Variants in KCNN1 observed in about 807,000 individuals in gnomAD.
The protein encoded by KCNN1 is small conductance calcium-activated potassium channel protein 1.
A neutral mutation model predicts 44.7 loss-of-function variants in KCNN1; 20 were observed. The observed-to-expected ratio is 0.45, with a 90% CI of 0.32 to 0.65. The LOEUF is 0.65. Among genes scored for constraint, KCNN1 ranks in the 30% least tolerant of loss-of-function variants. KCNN1 has a pLI of 0.05. For synonymous variants in KCNN1, 324 were observed against 341.7 expected (o/e 0.95, Z 0.57); for missense variants, 632 against 785.3 (o/e 0.80, Z 2.33).
rs1001184335 is a variant in KCNN1, at chr19:17,993,130, G to T, written c.1307+68G>T. The T allele has an allele frequency of 3.8e-6, 6 of 1,591,978 alleles. No individual in the cohort carries two copies. The South Asian group carries it at 6.7e-5, about 18-fold the overall frequency. On this transcript the variant is annotated intron_variant, in intron 8 of 9. Coordinates refer to ENST00000684775, the MANE Select transcript of KCNN1 (RefSeq NM_001386974.1). The surrounding 1 kb of genome is among the most constrained non-coding windows in gnomAD (Gnocchi z 4.5). ...GGTGCATGGTGGTCACAGACAGGGG[G>T]TACACCCGGGGCATGCCAACCCCAG...
At chr19:17,951,887 C>T (rs990270445) in intron 1 of KCNN1, among the ~76,000 whole-genome samples, 4 of 152,240 alleles carry the variant, frequency 2.6e-5, no homozygotes, top group African/African-American at 9.6e-5. Flanking sequence ...AGCCCTGTTC[C>T]GTGCTGCTGG....
upstream of KCNN1, among the ~76,000 whole-genome samples, chr19:17,962,296 C>T (rs1240482259): frequency 6.6e-6 from 1 of 152,106 alleles, no homozygotes; most frequent in African/African-American, 2.4e-5. Context: ...GCCCAGGCTC[C>T]CACTTCCTGC....
chr19:17,970,829 G>A (rs1254733456), intron 1 of KCNN1, among the ~76,000 whole-genome samples: 1 of 152,110 alleles, frequency 6.6e-6, no homozygotes, highest in African/African-American at 2.4e-5. Context: ...GGCATAGGTG[G>A]TCCTGCAATG....
chr19:17,960,501 G>A (rs1028722784), intron 2 of KCNN1, among the ~76,000 whole-genome samples: 11 of 151,994 alleles, frequency 7.2e-5, no homozygotes, highest in African/African-American at 2.7e-4. Context: ...GTGGTGGTGG[G>A]TGCCTATAAT....
intron 2 of KCNN1, among the ~76,000 whole-genome samples, chr19:17,957,398 A>G (rs994447392): frequency 1.3e-5 from 2 of 152,068 alleles, no homozygotes; most frequent in African/African-American, 2.4e-5. Flanking sequence ...ATTGTTTTGT[A>G]TTAGGAAGAA....
rs755079929 is a variant in KCNN1 at position 17,974,149 on chromosome 19, A to C, written c.261A>C (p.Ser87=). ...AGRQRASGKP[S]NVGHRLGHRR... is the part of the protein sequence containing the mutation. Reference sequence around the variant, plus strand: ...GGCAGAGAGCCTCGGGGAAACCCTCAAATGTGGGCCACCGCCTGGGCCACC... The same window carrying C: ...GGCAGAGAGCCTCGGGGAAACCCTCCAATGTGGGCCACCGCCTGGGCCACC... The change falls in exon 2 of 10, where the codon TCA becomes TCC. Residue 87 remains serine (S), a synonymous_variant. Transcript: ENST00000684775. The surrounding 1 kb of genome is among the most constrained non-coding windows in gnomAD (Gnocchi z 7.3). 1.9e-6 allele frequency: 3 copies of C among 1,613,582 alleles called. No homozygotes were observed. The South Asian group carries it at 3.3e-5, about 18-fold the overall frequency.
chr19:17,992,480 A>G (rs567600716), intron 7 of KCNN1, among the ~76,000 whole-genome samples: 1 of 152,216 alleles, frequency 6.6e-6, no homozygotes, highest in Non-Finnish European at 1.5e-5. Context: ...GAGCGCTTGT[A>G]ATTCCAGCTA....
intron 3 of KCNN1, among the ~76,000 whole-genome samples, chr19:17,979,496 C>T (rs533314863): frequency 5.3e-5 from 7 of 131,132 alleles, no homozygotes; most frequent in South Asian, 4.8e-4. Context: ...GCTATGATCC[C>T]GCCAGAGCAG....
intron 9 of KCNN1, among the ~76,000 whole-genome samples, chr19:17,995,515 G>A (rs1332230613): frequency 6.6e-6 from 1 of 151,948 alleles, no homozygotes; most frequent in Non-Finnish European, 1.5e-5. Context: ...GACCCCTGAA[G>A]ATATACAGTT....
At chr19:17,961,562 TTTTC>T (rs891824391) in intron 2 of KCNN1, among the ~76,000 whole-genome samples, 88 of 142,490 alleles carry the variant, frequency 6.2e-4, no homozygotes, top group Admixed American at 8.7e-4. Context: ...CAAAACCCTA[TTTTC>T]TTTCTTTCTT....
Position 17,993,156 on chromosome 19 carries a change from C to A in KCNN1, c.1307+94C>A. 6.8e-7 allele frequency: 1 copy of A among 1,474,764 alleles called. No homozygotes were observed. Among genetic ancestry groups the A allele is most frequent in the Non-Finnish European group, 9.4e-7 (1 of 1,061,284 alleles). 91.4% of individuals were successfully genotyped at this position (1,474,764 alleles called of 1,614,324 possible). A position where few individuals can be genotyped will look rare whatever the true frequency, so the allele number is the denominator to read the frequency against. The stretch of plus-strand genomic sequence containing the variant: ...TACACCCGGGGCATGCCAACCCCAG[C>A]CTCAGAGGCGGGCAGGGTTCACATC... On this transcript the variant is annotated intron_variant, in intron 8 of 9. Coordinates refer to ENST00000684775, the MANE Select transcript of KCNN1 (RefSeq NM_001386974.1). This position sits in a 1 kb window ranked among gnomAD's most constrained non-coding sequence, Gnocchi z 4.5.
At position 17,975,242 on chromosome 19, in the gene KCNN1, C is replaced by T; in HGVS notation, c.498+55C>T. On this transcript the variant is annotated intron_variant, in intron 3 of 9. Coordinates refer to ENST00000684775, the MANE Select transcript of KCNN1 (RefSeq NM_001386974.1). Reference sequence around the variant, plus strand: ...CCTCTCCTCAAACCCCAGATCCCCCCACACCAGCCCACCTTAGACCCCATC... The same window carrying T: ...CCTCTCCTCAAACCCCAGATCCCCCTACACCAGCCCACCTTAGACCCCATC... 4 of 1,284,054 alleles carry T rather than the reference C, an allele frequency of 3.1e-6. No homozygotes were observed. In the Admixed American group the frequency reaches 6.8e-5, roughly 22 times the overall value. The allele number at this position is 1,284,054 out of a possible 1,614,324, so 79.5% of individuals were successfully genotyped here. A position where few individuals can be genotyped will look rare whatever the true frequency, so the allele number is the denominator to read the frequency against.
intron 2 of KCNN1, among the ~76,000 whole-genome samples, chr19:17,961,059 G>A (rs764001157): frequency 3.0e-4 from 46 of 151,646 alleles, no homozygotes; most frequent in Non-Finnish European, 5.6e-4. Flanking sequence ...GGTGGTGCGC[G>A]TCTGTAATCT....
chr19:17,989,778 G>A lies in KCNN1; in HGVS notation c.1233G>A (p.Leu411=), dbSNP rs375171584. The A allele has an allele frequency of 5.6e-6, 9 of 1,613,802 alleles. No individual in the cohort carries two copies. The highest frequency in any genetic ancestry group is 7.6e-6 in the Non-Finnish European group (9 of 1,179,888). ...GGCTCATCTACAAACATACCAGGCT[G>A]GTGAAGAAGCCAGACCAAGCCCGGG... ...ETWLIYKHTR[L]VKKPDQARVR... is the part of the protein sequence containing the mutation. Residue 411 remains leucine (L), a synonymous_variant, in exon 7 of 10, where the codon CTG becomes CTA. Transcript: ENST00000684775.
intron 1 of KCNN1, among the ~76,000 whole-genome samples, chr19:17,951,859 C>T (rs2031417752): frequency 6.6e-6 from 1 of 152,160 alleles, no homozygotes; most frequent in South Asian, 2.1e-4. Flanking sequence ...GAGAGCGGCC[C>T]CCCAGAGTGA....
chr19:17,955,801 A>G (rs1281355334), intron 2 of KCNN1, among the ~76,000 whole-genome samples: 1 of 103,862 alleles, frequency 9.6e-6, no homozygotes, highest in Non-Finnish European at 1.9e-5. Context: ...CGCCCCCCAC[A>G]CACAGCCTCT....
chr19:17,997,823 G>A (rs541416946), intron 9 of KCNN1, among the ~76,000 whole-genome samples: 1 of 151,938 alleles, frequency 6.6e-6, no homozygotes, highest in African/African-American at 2.4e-5. Context: ...GGCGCCTCCC[G>A]GAAAGAGGAG....
intron 1 of KCNN1, among the ~76,000 whole-genome samples, chr19:17,953,337 C>T (rs1340379716): frequency 6.6e-6 from 1 of 152,204 alleles, no homozygotes. Flanking sequence ...GCCCTGCCCT[C>T]CCAAGGCTAG....
At chr19:17,952,562 G>A (rs1382802389) in intron 1 of KCNN1, among the ~76,000 whole-genome samples, 1 of 152,130 alleles carries the variant, frequency 6.6e-6, no homozygotes, top group Non-Finnish European at 1.5e-5. Context: ...CCTGCTTCCA[G>A]GTCTGGGGAA....
Sources: gnomAD v4.1 joint callset for allele counts (sites outside exome capture counted in the v4.1 genomes callset) on GRCh38, gnomAD v4.1.1 for gene constraint, Gnocchi (gnomAD v3.1) non-coding constraint, MANE v1.5 for transcripts, NCBI Gene and HGNC (gene_info 2026-07-23, HGNC 2026-07-21) for gene names.